The following SLC16A12 variants were observed in gnomAD, a reference collection of about 807,000 sequenced individuals.
SLC16A12 encodes the protein monocarboxylate transporter 12.
In SLC16A12, 17 loss-of-function variants were observed where a neutral mutation model predicts 42.4. That is an observed-to-expected ratio of 0.40 (90% CI 0.27 to 0.60). SLC16A12 has a LOEUF of 0.60. Ranked by LOEUF, SLC16A12 falls within the 20% of genes least tolerant of loss-of-function variation. SLC16A12 has a pLI of 0.42. For synonymous variants in SLC16A12, 224 were observed against 229.4 expected, an observed-to-expected ratio of 0.98 and a Z score of 0.21; for missense variants, 544 against 623.0, an observed-to-expected ratio of 0.87 and a Z score of 1.35.
chr10:89,489,083 T>G (rs1842807909), intron 2 of SLC16A12, among the ~76,000 whole-genome samples: 2 of 152,182 alleles, frequency 1.3e-5, no homozygotes, highest in African/African-American at 2.4e-5. Flanking sequence ...GGAAAAATCT[T>G]TGAAATTACT....
chr10:89,541,270 C>G (rs1843714341), intron 2 of SLC16A12, among the ~76,000 whole-genome samples: 1 of 152,050 alleles, frequency 6.6e-6, no homozygotes, highest in South Asian at 2.1e-4. Flanking sequence ...GATTTCTCAT[C>G]TATAAAATAA....
chr10:89,446,344 G>T (rs541882918), intron 3 of SLC16A12, among the ~76,000 whole-genome samples: 1 of 152,282 alleles, frequency 6.6e-6, no homozygotes, highest in African/African-American at 2.4e-5. Flanking sequence ...AAAATGTTAA[G>T]GGCAGTCAGA....
At chr10:89,492,663 G>C (rs1842864160) in intron 2 of SLC16A12, among the ~76,000 whole-genome samples, 1 of 152,018 alleles carries the variant, frequency 6.6e-6, no homozygotes, top group African/African-American at 2.4e-5. Context: ...GGGCAAGTCT[G>C]AACTAAGTCA....
At position 89,438,734 on chromosome 10, in the gene SLC16A12, G is replaced by C; in HGVS notation, c.898C>G (p.Leu300Val). The C allele has an allele frequency of 6.2e-7, 1 of 1,614,186 alleles. No individual in the cohort carries two copies. Among genetic ancestry groups the C allele is most frequent in the Non-Finnish European group, 8.5e-7 (1 of 1,180,038 alleles). ...VLFMAYGCSP[L>V]FVYLVPYALS... is the part of the protein sequence containing the mutation. ...GCATAAGGCACCAAGTACACAAAGA[G>C]AGGGCTGCAGCCATAAGCCATAAAC... The change falls in exon 6 of 8, where the codon CTC becomes GTC. Residue 300 changes from leucine to valine, a missense_variant. Leu to Val is a conservative substitution (Grantham distance 32, BLOSUM62 1). Transcript: ENST00000371790.
intron 6 of SLC16A12, among the ~76,000 whole-genome samples, chr10:89,438,032 A>G (rs1362694220): frequency 6.6e-6 from 1 of 152,172 alleles, no homozygotes; most frequent in South Asian, 2.1e-4. Context: ...GACTGGTTCA[A>G]AAGAAACTAA....
At chr10:89,487,837 T>TTATTTCTCTG (rs1842783000) in intron 2 of SLC16A12, among the ~76,000 whole-genome samples, 1 of 145,362 alleles carries the variant, frequency 6.9e-6, no homozygotes. Context: ...AAAGGAAGTG[T>TTATTTCTCTG]TATTTCTCTG....
In SLC16A12 at chr10:89,436,131, G is replaced by C. The variant is rs145362501; in HGVS notation, c.1217C>G (p.Ser406Cys). 3.2e-4 allele frequency: 514 copies of C among 1,613,966 alleles called. No homozygotes were observed. Among genetic ancestry groups the C allele is most frequent in the Middle Eastern group, 1.3e-3 (8 of 6,082 alleles). The change falls in exon 7 of 8, where the codon TCT becomes TGT. Residue 406 changes from serine to cysteine, a missense_variant. By Grantham distance (112) the Ser-to-Cys change is moderately radical. Coordinates refer to ENST00000371790, the MANE Select transcript of SLC16A12 (RefSeq NM_213606.4). ...VVTTEIVGTT[S>C]LSSALGVVYF... is the part of the protein sequence containing the mutation. ...TACCACACCAAGCGCTGATGACAAA[G>C]AGGTGGTCCCCACTATCTCTGTGGT...
intron 2 of SLC16A12, among the ~76,000 whole-genome samples, chr10:89,465,895 TTTCCCTGTTCTTAAGAAAAGAC>T (rs1401208421): frequency 5.3e-5 from 8 of 152,320 alleles, no homozygotes; most frequent in African/African-American, 1.9e-4. Context: ...CTGGGAAATG[TTTCCCTGTTCTTAAGAAAAGAC>T]ATGAGGAAGA....
In SLC16A12 at chr10:89,433,121, T is replaced by C; in HGVS notation, c.1494A>G (p.Leu498=). The change falls in exon 8 of 8, where the codon TTA becomes TTG. Residue 498 remains leucine (L), a synonymous_variant. Transcript: ENST00000371790. ...CCACAGGCTCCCCATGTTTCTGATCTAATTCTCTTGCCACAGAATAAGCCA... is the reference window on the plus strand; with the variant it reads ...CCACAGGCTCCCCATGTTTCTGATCCAATTCTCTTGCCACAGAATAAGCCA... ...GSVAYSVARE[L]DQKHGEPVAT... is the part of the protein sequence containing the mutation. 1 of 1,614,226 alleles carries C rather than the reference T, an allele frequency of 6.2e-7. No individual in the cohort carries two copies. The highest frequency in any genetic ancestry group is 8.5e-7 in the Non-Finnish European group (1 of 1,180,038).
chr10:89,460,595 TATCCCAGTACAAA>T (rs1842282467), intron 3 of SLC16A12, among the ~76,000 whole-genome samples: 1 of 151,704 alleles, frequency 6.6e-6, no homozygotes, highest in African/African-American at 2.4e-5. Context: ...GTAATTTTTG[TATCCCAGTACAAA>T]ATTTTGTATC....
intron 3 of SLC16A12, among the ~76,000 whole-genome samples, chr10:89,454,494 T>G (rs1352585404): frequency 6.6e-6 from 1 of 152,086 alleles, no homozygotes; most frequent in East Asian, 1.9e-4. Flanking sequence ...CTTCATACTT[T>G]TTAACCTGAC....
intron 2 of SLC16A12, among the ~76,000 whole-genome samples, chr10:89,531,980 C>T (rs766606918): frequency 6.6e-6 from 1 of 152,160 alleles, no homozygotes; most frequent in Non-Finnish European, 1.5e-5. Context: ...CATACAATGT[C>T]CTCTCTTCCA....
At chr10:89,502,369 G>C (rs537380538) in intron 2 of SLC16A12, among the ~76,000 whole-genome samples, 1 of 152,154 alleles carries the variant, frequency 6.6e-6, no homozygotes, top group East Asian at 1.9e-4. Context: ...AGAATTGCTT[G>C]AACCCAGGAG....
intron 2 of SLC16A12, among the ~76,000 whole-genome samples, chr10:89,519,829 C>G (rs1169343249): frequency 6.6e-6 from 1 of 152,054 alleles, no homozygotes. Context: ...AAACATCATA[C>G]AAAGGCCGGG....
chr10:89,492,859 C>T (rs1485561933), intron 2 of SLC16A12, among the ~76,000 whole-genome samples: 2 of 151,934 alleles, frequency 1.3e-5, no homozygotes, highest in Admixed American at 1.3e-4. Flanking sequence ...GGAAACAACA[C>T]CTCAGTATTC....
At chr10:89,462,705 T>G in intron 2 of SLC16A12, 81 bp from the exon 3 acceptor site, 2 of 1,401,256 alleles carry the variant, frequency 1.4e-6, no homozygotes, top group Non-Finnish European at 1.9e-6. Context: ...AAGACATGAT[T>G]ATTACTTTCC....
At chr10:89,519,256 C>G (rs1378064121) in intron 2 of SLC16A12, among the ~76,000 whole-genome samples, 1 of 150,000 alleles carries the variant, frequency 6.7e-6, no homozygotes, top group African/African-American at 2.4e-5. Flanking sequence ...GGTCAAAAAA[C>G]TACGCATCGG....
At position 89,477,321 on chromosome 10, in the gene SLC16A12, T is replaced by C. The variant is rs527652600; in HGVS notation, c.-46-14697A>G. On this transcript the variant is annotated intron_variant, in intron 2 of 7. Transcript: ENST00000371790. The stretch of plus-strand genomic sequence containing the variant: ...GGCTCACGCCTGTAATCCCAGCACT[T>C]TGGGAGGCCGAGGTGGGCGGATCAC... 3.3e-5 allele frequency among the ~76,000 whole-genome samples: 5 copies of C among 152,204 alleles called. No individual in the cohort carries two copies. In the East Asian group the frequency reaches 9.7e-4, roughly 29 times the overall value.
chr10:89,447,014 G>A (rs1842015216), intron 3 of SLC16A12, among the ~76,000 whole-genome samples: 1 of 152,090 alleles, frequency 6.6e-6, no homozygotes, highest in South Asian at 2.1e-4. Context: ...GACAAAGAAG[G>A]CCATTACATA....
Sources: gnomAD v4.1 joint callset for allele counts (sites outside exome capture counted in the v4.1 genomes callset) on GRCh38, gnomAD v4.1.1 for gene constraint, MANE v1.5 for transcripts, NCBI Gene and HGNC (gene_info 2026-07-23, HGNC 2026-07-21) for gene names.